Variants in NFAT5 observed in about 807,000 individuals in gnomAD.
The protein encoded by NFAT5 is nuclear factor of activated T cells 5, also known as nuclear factor of activated T-cells 5.
A neutral mutation model predicts 166.5 loss-of-function variants in NFAT5; 31 were observed. The observed-to-expected ratio is 0.19, with a 90% CI of 0.14 to 0.25. The LOEUF is 0.25. Among genes scored for constraint, NFAT5 ranks in the 10% least tolerant of loss-of-function variants. The probability of loss-of-function intolerance (pLI) is 1.00; values close to 1 mark genes in which losing one functional copy is unlikely to be tolerated. For missense variants in NFAT5, 1,449 were observed against 1,821.8 expected (o/e 0.80, Z 3.72); for synonymous variants, 612 against 639.7 (o/e 0.96, Z 0.65).
chr16:69,608,109 C>G (rs2033511247), intron 2 of NFAT5, among the ~76,000 whole-genome samples: 2 of 151,954 alleles, frequency 1.3e-5, no homozygotes, highest in Non-Finnish European at 2.9e-5. Context: ...AATCCCAGCA[C>G]TTTGGGAGGC....
intron 2 of NFAT5, among the ~76,000 whole-genome samples, chr16:69,569,968 CT>C (rs2016337453): frequency 6.6e-6 from 1 of 152,078 alleles, no homozygotes; most frequent in Non-Finnish European, 1.5e-5. Context: ...ACATATTTGT[CT>C]GTACAAACCC....
intron 9 of NFAT5, among the ~76,000 whole-genome samples, chr16:69,676,184 C>T (rs1333106996): frequency 6.6e-6 from 1 of 152,062 alleles, no homozygotes. Context: ...TAATCACTAC[C>T]CTGTGATATC....
At chr16:69,666,993 TA>T (rs574585024) in intron 7 of NFAT5, among the ~76,000 whole-genome samples, 8,540 of 151,382 alleles carry the variant, frequency 0.056, 276 homozygotes, top group South Asian at 0.065. Flanking sequence ...TATGCAGCCA[TA>T]AAAAATGATG....
intron 3 of NFAT5, among the ~76,000 whole-genome samples, chr16:69,627,380 A>G (rs1567553062): frequency 1.9e-5 from 2 of 106,884 alleles, no homozygotes; most frequent in African/African-American, 7.3e-5. Flanking sequence ...ATATATATAT[A>G]TATTTTGAAG....
At chr16:69,617,405 A>C (rs2034003365) in intron 2 of NFAT5, among the ~76,000 whole-genome samples, 1 of 152,190 alleles carries the variant, frequency 6.6e-6, no homozygotes, top group South Asian at 2.1e-4. Flanking sequence ...ATAACAAAGA[A>C]ATTTAAAATA....
intron 2 of NFAT5, among the ~76,000 whole-genome samples, chr16:69,572,753 A>G (rs891934721): frequency 4.9e-4 from 74 of 152,340 alleles, no homozygotes; most frequent in African/African-American, 1.7e-3. Flanking sequence ...TAATGATTTT[A>G]AAAGCATGAG....
intron 3 of NFAT5, among the ~76,000 whole-genome samples, chr16:69,630,082 GC>G (rs2034644730): frequency 1.3e-5 from 2 of 152,096 alleles, no homozygotes. Context: ...GATTGCAGGT[GC>G]ACGCCACCAT....
chr16:69,695,308 C>A lies in NFAT5; in HGVS notation c.4587C>A (p.Ile1529=), dbSNP rs760478635. ...CCTCTATAAACACCAACCAGAACAT[C>A]GAAAAGATTGATTTGCTTGTTTCAT... The part of the protein sequence containing the change: ...LASSINTNQN[I]EKIDLLVSLQ... The change falls in exon 14 of 15, where the codon ATC becomes ATA. Residue 1529 remains isoleucine (I), a synonymous_variant. Transcript: ENST00000349945. The A allele has an allele frequency of 8.1e-6, 13 of 1,614,028 alleles. No individual in the cohort carries two copies. In the Admixed American group the frequency reaches 1.3e-4, roughly 17 times the overall value.
At chr16:69,574,415 C>A (rs2016619681) in intron 2 of NFAT5, among the ~76,000 whole-genome samples, 1 of 152,026 alleles carries the variant, frequency 6.6e-6, no homozygotes, top group Non-Finnish European at 1.5e-5. Flanking sequence ...CTTCTGTTTG[C>A]TTTTGTGTTA....
At chr16:69,625,035 G>C (rs2034390513) in intron 2 of NFAT5, among the ~76,000 whole-genome samples, 1 of 152,018 alleles carries the variant, frequency 6.6e-6, no homozygotes, top group South Asian at 2.1e-4. Flanking sequence ...GAGTAGCTGG[G>C]ATTACAGGTG....
At chr16:69,622,149 A>G (rs1055072285) in intron 2 of NFAT5, among the ~76,000 whole-genome samples, 1 of 152,164 alleles carries the variant, frequency 6.6e-6, no homozygotes, top group Admixed American at 6.5e-5. Flanking sequence ...TTTAGGAGAA[A>G]GGCCAGTGGC....
intron 2 of NFAT5, among the ~76,000 whole-genome samples, chr16:69,612,577 G>T (rs2033753303): frequency 6.6e-6 from 1 of 152,100 alleles, no homozygotes; most frequent in South Asian, 2.1e-4. Context: ...CAGGTGCAGT[G>T]GTTCATGCCT....
intron 2 of NFAT5, among the ~76,000 whole-genome samples, chr16:69,607,216 A>T (rs1363735025): frequency 1.3e-5 from 2 of 152,220 alleles, no homozygotes; most frequent in South Asian, 4.1e-4. Flanking sequence ...TACATTTATG[A>T]TGAAACCTCA....
intron 2 of NFAT5, among the ~76,000 whole-genome samples, chr16:69,569,898 T>C (rs1437901854): frequency 6.6e-6 from 1 of 152,224 alleles, no homozygotes; most frequent in Non-Finnish European, 1.5e-5. Flanking sequence ...TTAGCAGTGT[T>C]TCTTAGTGAA....
rs544486057 is a variant in NFAT5, at chr16:69,609,610, T to C, written c.128-16793T>C. Among the ~76,000 whole-genome samples, 338 of 152,282 alleles carry C rather than the reference T, an allele frequency of 2.2e-3. 2 individuals carry two copies. Among genetic ancestry groups the C allele is most frequent in the South Asian group, 5.8e-3 (28 of 4,828 alleles). On this transcript the variant is annotated intron_variant, in intron 2 of 14. Transcript: ENST00000349945. ...ATTGTAGACACTTATTTTTGATCTC[T>C]GTAAACATCAGCTTATATCTCAAAG...
chr16:69,573,402 G>A (rs1005870240), intron 2 of NFAT5, among the ~76,000 whole-genome samples: 2 of 152,014 alleles, frequency 1.3e-5, no homozygotes, highest in Non-Finnish European at 2.9e-5. Flanking sequence ...GATCATAAAT[G>A]CCTATAATAT....
intron 2 of NFAT5, among the ~76,000 whole-genome samples, chr16:69,595,328 G>A (rs116201741): frequency 0.012 from 1,762 of 152,278 alleles, 24 homozygotes; most frequent in African/African-American, 0.037. Flanking sequence ...GGTGCATCAC[G>A]TAGGCATTGT....
chr16:69,655,395 A>G (rs1291271424), intron 5 of NFAT5, among the ~76,000 whole-genome samples: 1 of 152,176 alleles, frequency 6.6e-6, no homozygotes, highest in Non-Finnish European at 1.5e-5. Flanking sequence ...TTTATAATTT[A>G]AGTATAGTTA....
chr16:69,642,578 T>G (rs913951668), intron 3 of NFAT5, among the ~76,000 whole-genome samples: 1 of 151,994 alleles, frequency 6.6e-6, no homozygotes, highest in Non-Finnish European at 1.5e-5. Flanking sequence ...CCCAGCACTT[T>G]GGGAGGCTGA....
Sources: allele counts gnomAD v4.1 joint callset (sites outside exome capture counted in the v4.1 genomes callset), GRCh38; gene constraint gnomAD v4.1.1; transcripts MANE v1.5; gene names NCBI Gene and HGNC (gene_info 2026-07-23, HGNC 2026-07-21).